Variants in ARHGEF33 observed in about 807,000 individuals in gnomAD.
The protein encoded by ARHGEF33 is Rho guanine nucleotide exchange factor 33, also known as DH and coiled-coil domain-containing protein ENSP00000381780.
In ARHGEF33, 72 loss-of-function variants were observed where a neutral mutation model predicts 101.9. The ratio of observed to expected loss-of-function variants is 0.71; its 90% CI spans 0.58 to 0.86. The LOEUF is 0.86. Ranked by LOEUF, ARHGEF33 falls within the 40% of genes least tolerant of loss-of-function variation. ARHGEF33 has a pLI of 0.00. For synonymous variants in ARHGEF33, 499 were observed against 442.5 expected, an observed-to-expected ratio of 1.13 and a Z score of -1.60; for missense variants, 1,169 against 1,111.3, an observed-to-expected ratio of 1.05 and a Z score of -0.74.
At position 38,975,153 on chromosome 2, in the gene ARHGEF33, A is replaced by G. The variant is rs1658274243; in HGVS notation, c.*1310A>G. The G allele has an allele frequency of 2.0e-5, 3 of 152,336 alleles. No homozygotes were observed. Among genetic ancestry groups the G allele is most frequent in the South Asian group, 2.1e-4 (1 of 4,828 alleles). The allele number at this position is 152,336 out of a possible 1,614,324, so 9.4% of individuals were successfully genotyped here. On this transcript the variant is annotated 3_prime_UTR_variant, in exon 18 of 18. Coordinates refer to ENST00000409978, the MANE Select transcript of ARHGEF33 (RefSeq NM_001145451.5). ...GTTGATAAAATAGGCAAAGGTTCAC[A>G]TGTAAGTGTTGCAAGTTTTCTTCTC...
intron 9 of ARHGEF33, among the ~76,000 whole-genome samples, chr2:38,939,102 A>C (rs1399696762): frequency 1.3e-5 from 2 of 152,068 alleles, no homozygotes; most frequent in African/African-American, 4.8e-5. Context: ...CCTCCTGAGT[A>C]GCTGGGATTA....
At chr2:38,926,401 G>A (rs1007028653) in intron 4 of ARHGEF33, among the ~76,000 whole-genome samples, 2 of 152,200 alleles carry the variant, frequency 1.3e-5, no homozygotes, top group Non-Finnish European at 1.5e-5. Context: ...AGGGTCGGTA[G>A]TTGAAAACCG....
chr2:38,942,468 C>CTTTTTTTT (rs58695451), intron 9 of ARHGEF33, among the ~76,000 whole-genome samples: 2 of 132,786 alleles, frequency 1.5e-5, no homozygotes, highest in Non-Finnish European at 1.6e-5. Context: ...CCCCTCTTAT[C>CTTTTTTTT]TTTTTTTTTT....
In ARHGEF33 at chr2:38,960,474, A is replaced by C; in HGVS notation, c.2169A>C (p.Pro723=). 1 of 1,477,372 alleles carries C rather than the reference A, an allele frequency of 6.8e-7. No homozygotes were observed. The highest frequency in any genetic ancestry group is 1.5e-5 in the African/African-American group (1 of 67,540). 91.5% of individuals were successfully genotyped at this position (1,477,372 alleles called of 1,614,324 possible). ...PRAPPADGVA[P]RLYSTRSSSG... is the part of the protein sequence containing the mutation. ...CGCCGCCAGCCGACGGCGTGGCCCC[A>C]CGCCTCTACAGCACGCGCAGCAGCA... Residue 723 remains proline, a synonymous_variant, in exon 16 of 18, where the codon CCA becomes CCC. Transcript: ENST00000409978.
chr2:38,927,587 T>C (rs930674317), intron 4 of ARHGEF33, among the ~76,000 whole-genome samples: 1 of 152,160 alleles, frequency 6.6e-6, no homozygotes, highest in Middle Eastern at 3.2e-3. Context: ...TCCCAGCTAC[T>C]TGGGAGGCTG....
chr2:38,972,641 G>A (rs555841014), intron 17 of ARHGEF33, among the ~76,000 whole-genome samples: 2 of 152,260 alleles, frequency 1.3e-5, no homozygotes, highest in East Asian at 3.9e-4. Context: ...AATGTAAAGA[G>A]ATGTTTGAAT....
At chr2:38,965,134 T>C (rs979369284) in intron 16 of ARHGEF33, among the ~76,000 whole-genome samples, 5 of 152,174 alleles carry the variant, frequency 3.3e-5, no homozygotes, top group African/African-American at 4.8e-5. Flanking sequence ...TAGGGCATCA[T>C]TGGTGTGGTT....
At chr2:38,954,796 G>C (rs751516665) in intron 13 of ARHGEF33, among the ~76,000 whole-genome samples, 4 of 152,020 alleles carry the variant, frequency 2.6e-5, no homozygotes, top group Non-Finnish European at 5.9e-5. Context: ...ACCATGCCCA[G>C]CTAATTTTTG....
At position 38,973,767 on chromosome 2, in the gene ARHGEF33, C is replaced by A; in HGVS notation, c.2537C>A (p.Pro846His). ...ACTAATGAGAATCCCTCAATGGATC[C>A]TTCACCCACCAAACAAGATTTCTTC... ...EKTNENPSMD[P>H]SPTKQDFFRN... The change falls in exon 18 of 18, where the codon CCT becomes CAT. Residue 846 changes from proline (P) to histidine (H), a missense_variant. Physicochemically the swap from Pro to His is moderately conservative, Grantham distance 77. Transcript: ENST00000409978. 2 of 1,548,934 alleles carry A rather than the reference C, an allele frequency of 1.3e-6. No individual in the cohort carries two copies. Among genetic ancestry groups the A allele is most frequent in the Non-Finnish European group, 1.7e-6 (2 of 1,146,110 alleles).
chr2:38,949,012 G>T (rs1465081293), intron 10 of ARHGEF33, among the ~76,000 whole-genome samples: 6 of 152,136 alleles, frequency 3.9e-5, no homozygotes, highest in Admixed American at 2.0e-4. Flanking sequence ...CACAGGAGGT[G>T]GAGGGAGTGG....
chr2:38,964,741 G>T (rs1278146285), intron 16 of ARHGEF33, among the ~76,000 whole-genome samples: 1 of 152,056 alleles, frequency 6.6e-6, no homozygotes, highest in African/African-American at 2.4e-5. Flanking sequence ...GTGTGGCCCA[G>T]TTCCTAACAG....
chr2:38,932,884 T>A (rs1667039232), intron 7 of ARHGEF33, among the ~76,000 whole-genome samples: 1 of 152,192 alleles, frequency 6.6e-6, no homozygotes, highest in South Asian at 2.1e-4. Flanking sequence ...GACGTGGTCA[T>A]AGTTTATTCT....
intron 4 of ARHGEF33, 173 bp from the exon 5 acceptor site, chr2:38,928,734 T>C (rs1210245714): frequency 2.0e-6 from 1 of 496,484 alleles, no homozygotes. Context: ...CTCTTTTTCT[T>C]AGATAAATGG....
chr2:38,902,117 G>A (rs1312647003), intron 2 of ARHGEF33, among the ~76,000 whole-genome samples: 8 of 144,908 alleles, frequency 5.5e-5, no homozygotes, highest in Non-Finnish European at 1.0e-4. Flanking sequence ...GGGTGACAGA[G>A]CAAGACTCCA....
At position 38,931,176 on chromosome 2, in the gene ARHGEF33, T is replaced by A; in HGVS notation, c.430T>A (p.Ser144Thr). 1.3e-6 allele frequency: 2 copies of A among 1,551,622 alleles called. No homozygotes were observed. Among genetic ancestry groups the A allele is most frequent in the Non-Finnish European group, 1.7e-6 (2 of 1,146,918 alleles). The part of the protein sequence containing the change: ...PAQAQGSPFR[S>T]INIPEPVLPS... ...CCAAGCACAAGGAAGTCCTTTTCGTTCTATCAATATCCCTGAGCCTGTTCT... is the reference window on the plus strand; with the variant it reads ...CCAAGCACAAGGAAGTCCTTTTCGTACTATCAATATCCCTGAGCCTGTTCT... Residue 144 changes from serine to threonine, a missense_variant, in exon 7 of 18, where the codon TCT (serine) becomes ACT (threonine). By Grantham distance (58) the Ser-to-Thr change is moderately conservative (BLOSUM62 1). Transcript: ENST00000409978.
intron 1 of ARHGEF33, 70 bp from the exon 2 acceptor site, chr2:38,895,707 G>GA (rs1210714481): frequency 1.3e-5 from 2 of 150,022 alleles, no homozygotes; most frequent in Non-Finnish European, 3.0e-5. Flanking sequence ...AAAATTATAG[G>GA]AAAAAATGAT....
At chr2:38,946,707 C>A (rs888586751) in intron 10 of ARHGEF33, among the ~76,000 whole-genome samples, 6 of 152,204 alleles carry the variant, frequency 3.9e-5, no homozygotes, top group Admixed American at 3.3e-4. Flanking sequence ...CTCACTGTAA[C>A]CTCCACTTCC....
At chr2:38,936,951 G>T (rs2124392127) in intron 8 of ARHGEF33, 1 of 149,684 alleles carries the variant, frequency 6.7e-6, no homozygotes, top group Non-Finnish European at 1.5e-5. Flanking sequence ...ACTCCAGCCT[G>T]GGTGACAAAA....
At position 38,935,775 on chromosome 2, in the gene ARHGEF33, C is replaced by T; in HGVS notation, c.506C>T (p.Ala169Val). Residue 169 changes from alanine to valine, a missense_variant and splice_region_variant, in exon 8 of 18, where the codon GCC becomes GTC. Ala to Val is a moderately conservative substitution (Grantham distance 64). Transcript: ENST00000409978. Reference protein sequence around the residue: ...NLLPSQAYEKAQESRSVHVGD... With the variant: ...NLLPSQAYEKVQESRSVHVGD... The stretch of plus-strand genomic sequence containing the variant: ...AATGAATGCTTTCCTTTCTCTGCAG[C>T]CCAAGAGTCCAGATCTGTTCATGTA... 6.4e-7 allele frequency: 1 copy of T among 1,551,734 alleles called. No individual in the cohort carries two copies. Among genetic ancestry groups the T allele is most frequent in the South Asian group, 1.2e-5 (1 of 83,976 alleles).
Sources: allele counts gnomAD v4.1 joint callset (sites outside exome capture counted in the v4.1 genomes callset), GRCh38; gene constraint gnomAD v4.1.1; transcripts MANE v1.5; gene names NCBI Gene and HGNC (gene_info 2026-07-23, HGNC 2026-07-21).